The following CLVS1 variants were observed in gnomAD, a reference collection of about 807,000 sequenced individuals.
CLVS1 encodes clavesin 1, also known as clavesin-1.
CLVS1 carries 10 observed loss-of-function variants against 33.1 expected under a neutral mutation model. The ratio of observed to expected loss-of-function variants is 0.30; its 90% CI spans 0.19 to 0.51. The LOEUF is 0.51. Ranked by LOEUF, CLVS1 falls within the 20% of genes least tolerant of loss-of-function variation. The pLI is 0.97. For missense variants in CLVS1, 343 were observed against 433.4 expected, an observed-to-expected ratio of 0.79 and a Z score of 1.85; for synonymous variants, 163 against 166.1, an observed-to-expected ratio of 0.98 and a Z score of 0.14.
intron 2 of CLVS1, among the ~76,000 whole-genome samples, chr8:61,354,641 T>A (rs1379142027): frequency 6.6e-6 from 1 of 152,176 alleles, no homozygotes; most frequent in Non-Finnish European, 1.5e-5. Flanking sequence ...TGATTACTAC[T>A]CAACAATAAA....
At chr8:61,282,817 A>G (rs745326106) in intron 2 of CLVS1, among the ~76,000 whole-genome samples, 1 of 152,216 alleles carries the variant, frequency 6.6e-6, no homozygotes, top group African/African-American at 2.4e-5. Context: ...AGGGACTAAC[A>G]CATAGTGTGG....
At chr8:61,284,650 C>T (rs1223728411), upstream of CLVS1, among the ~76,000 whole-genome samples, 1 of 152,084 alleles carries the variant, frequency 6.6e-6, no homozygotes, top group Non-Finnish European at 1.5e-5. Flanking sequence ...TATTAAAGTG[C>T]AAATAAAGAA....
intron 2 of CLVS1, among the ~76,000 whole-genome samples, chr8:61,228,911 T>A (rs1808380966): frequency 6.6e-6 from 1 of 152,176 alleles, no homozygotes; most frequent in African/African-American, 2.4e-5. Flanking sequence ...TATATATATA[T>A]CCAGCAGTGG....
intron 2 of CLVS1, among the ~76,000 whole-genome samples, chr8:61,153,794 C>T (rs16926953): frequency 0.017 from 2,622 of 152,206 alleles, 32 homozygotes; most frequent in African/African-American, 0.027. Flanking sequence ...AGTGCTTGTC[C>T]TGGGTCTCAG....
At chr8:61,415,840 G>A (rs904419711) in intron 3 of CLVS1, among the ~76,000 whole-genome samples, 2 of 152,164 alleles carry the variant, frequency 1.3e-5, no homozygotes, top group Admixed American at 6.5e-5. Flanking sequence ...CTGACGGATA[G>A]GAAGAAAAAT....
intron 2 of CLVS1, among the ~76,000 whole-genome samples, chr8:61,174,436 AAAACAAACAAACAAACAAAC>A (rs144200333): frequency 6.0e-5 from 9 of 150,562 alleles, no homozygotes; most frequent in African/African-American, 2.0e-4. Context: ...ACTGTCTCAA[AAAACAAACAAACAAACAAAC>A]AAACAAACAA....
chr8:61,256,307 G>A (rs1409223922), intron 2 of CLVS1, among the ~76,000 whole-genome samples: 3 of 152,232 alleles, frequency 2.0e-5, no homozygotes, highest in African/African-American at 4.8e-5. Context: ...GATGTCAGGA[G>A]ATCAAGACCA....
intron 2 of CLVS1, among the ~76,000 whole-genome samples, chr8:61,310,608 C>T (rs1810797892): frequency 1.3e-5 from 2 of 152,164 alleles, no homozygotes; most frequent in Non-Finnish European, 2.9e-5. Context: ...AAAGACAAAT[C>T]CTGTTGCCAC....
Position 61,500,223 on chromosome 8 carries a change from G to A in CLVS1, c.*681G>A, listed in dbSNP as rs1256711608. On this transcript the variant is annotated 3_prime_UTR_variant, in exon 6 of 6. Coordinates refer to ENST00000325897, the MANE Select transcript of CLVS1 (RefSeq NM_173519.3). ...TGACGTTAAAGGAAGACACATGGAC[G>A]TGAAATACGATTATTTCATCTGAGC... 6.6e-6 allele frequency: 1 copy of A among 152,356 alleles called. No individual in the cohort carries two copies. The highest frequency in any genetic ancestry group is 1.9e-4 in the East Asian group (1 of 5,204). The allele number at this position is 152,356 out of a possible 1,614,324, so 9.4% of individuals were successfully genotyped here. A position where few individuals can be genotyped will look rare whatever the true frequency, so the allele number is the denominator to read the frequency against.
chr8:61,303,107 A>G (rs1301511878), intron 2 of CLVS1, among the ~76,000 whole-genome samples: 1 of 152,202 alleles, frequency 6.6e-6, no homozygotes, highest in African/African-American at 2.4e-5. Context: ...TGCTGACTTC[A>G]TTTATGCTTA....
At chr8:61,476,479 G>A (rs1027683085) in intron 5 of CLVS1, among the ~76,000 whole-genome samples, 2 of 152,146 alleles carry the variant, frequency 1.3e-5, no homozygotes, top group Non-Finnish European at 2.9e-5. Context: ...TCATTGAGCA[G>A]TGGTTTGTAG....
At chr8:61,212,677 G>A (rs1051653188) in intron 2 of CLVS1, among the ~76,000 whole-genome samples, 1 of 152,318 alleles carries the variant, frequency 6.6e-6, no homozygotes. Flanking sequence ...GGAGAGAAAA[G>A]ACAGAGCTAA....
chr8:61,069,943 C>A (rs546542496), intron 1 of CLVS1, among the ~76,000 whole-genome samples: 12 of 152,248 alleles, frequency 7.9e-5, no homozygotes, highest in Middle Eastern at 3.4e-3. Context: ...CAGGCATGCA[C>A]CACCATGCCT....
the CLVS1 span, among the ~76,000 whole-genome samples, chr8:61,003,569 A>G: frequency 6.6e-6 from 1 of 152,202 alleles, no homozygotes; most frequent in Non-Finnish European, 1.5e-5. Context: ...ACAGAATTTG[A>G]TGGTTTAGCT....
At chr8:61,488,330 A>G (rs1803951569) in intron 5 of CLVS1, among the ~76,000 whole-genome samples, 1 of 152,208 alleles carries the variant, frequency 6.6e-6, no homozygotes, top group Non-Finnish European at 1.5e-5. Flanking sequence ...ATTTGGGCAC[A>G]ACGCAAGCTA....
chr8:61,147,331 G>A (rs1202154819), intron 2 of CLVS1, among the ~76,000 whole-genome samples: 2 of 152,174 alleles, frequency 1.3e-5, no homozygotes, highest in Non-Finnish European at 2.9e-5. Flanking sequence ...TTTGATGGCA[G>A]TTCTATTTCT....
chr8:61,489,774 G>T (rs1230789632), intron 5 of CLVS1, among the ~76,000 whole-genome samples: 1 of 152,126 alleles, frequency 6.6e-6, no homozygotes, highest in African/African-American at 2.4e-5. Context: ...GACTGATTTC[G>T]ATATGTCAAA....
intron 3 of CLVS1, among the ~76,000 whole-genome samples, chr8:61,399,142 G>C (rs1217553910): frequency 6.6e-6 from 1 of 152,158 alleles, no homozygotes; most frequent in East Asian, 1.9e-4. Flanking sequence ...CTTCCACAAT[G>C]GTTGAACTAA....
intron 2 of CLVS1, among the ~76,000 whole-genome samples, chr8:61,164,369 G>A (rs1420972269): frequency 3.9e-5 from 6 of 152,198 alleles, no homozygotes; most frequent in Non-Finnish European, 8.8e-5. Context: ...AATGTTTCTT[G>A]TCTAGCAGGA....
Sources: gnomAD v4.1 joint callset for allele counts (sites outside exome capture counted in the v4.1 genomes callset) on GRCh38, gnomAD v4.1.1 for gene constraint, MANE v1.5 for transcripts, NCBI Gene and HGNC (gene_info 2026-07-23, HGNC 2026-07-21) for gene names.